The following RIC3 variants were observed in gnomAD, a reference collection of about 807,000 sequenced individuals.
The protein encoded by RIC3 is protein RIC-3.
A neutral mutation model predicts 27.3 loss-of-function variants in RIC3; 28 were observed. The observed-to-expected ratio is 1.02, with a 90% confidence interval of 0.76 to 1.41. The LOEUF (loss-of-function observed/expected upper bound fraction) is 1.41. Ranked by LOEUF, RIC3 falls within the 40% of genes most tolerant of loss-of-function variation. RIC3 has a pLI of 0.00. For synonymous variants in RIC3, 184 were observed against 160.4 expected, an observed-to-expected ratio of 1.15 and a Z score of -1.11; for missense variants, 501 against 444.7, an observed-to-expected ratio of 1.13 and a Z score of -1.14.
intron 1 of RIC3, among the ~76,000 whole-genome samples, chr11:8,152,634 T>C (rs1950338627): frequency 6.6e-6 from 1 of 152,176 alleles, no homozygotes; most frequent in South Asian, 2.1e-4. Context: ...AGGTGTGTGA[T>C]TTAAAAAGTT....
intron 4 of RIC3, among the ~76,000 whole-genome samples, chr11:8,132,094 CA>C (rs1947807288): frequency 6.6e-6 from 1 of 152,066 alleles, no homozygotes; most frequent in South Asian, 2.1e-4. Flanking sequence ...CCTTTGCTGC[CA>C]GAGGTTGCAC....
At chr11:8,097,507 A>C in the RIC3 span, 1,257 of 1,576,352 alleles carry the variant, frequency 8.0e-4, 9 homozygotes, top group African/African-American at 0.015. Context: ...TGGAAGTCTC[A>C]TATCTACCAC....
At chr11:8,152,034 A>G (rs1950288212) in intron 1 of RIC3, among the ~76,000 whole-genome samples, 1 of 152,182 alleles carries the variant, frequency 6.6e-6, no homozygotes, top group Non-Finnish European at 1.5e-5. Context: ...GGAAATGCAA[A>G]TCAAACTCAC....
chr11:8,144,313 G>A (rs1949418040), intron 1 of RIC3, among the ~76,000 whole-genome samples: 1 of 150,572 alleles, frequency 6.6e-6, no homozygotes, highest in Non-Finnish European at 1.5e-5. Flanking sequence ...AATCTACGAT[G>A]AACTCAAACA....
At chr11:8,097,866 G>GA in the RIC3 span, 26 of 1,515,756 alleles carry the variant, frequency 1.7e-5, no homozygotes, top group Non-Finnish European at 2.3e-5. Flanking sequence ...GAGTGGGAGG[G>GA]AGGGGCAGGG....
chr11:8,145,093 G>A (rs1949529164), intron 1 of RIC3, among the ~76,000 whole-genome samples: 1 of 145,768 alleles, frequency 6.9e-6, no homozygotes, highest in Non-Finnish European at 1.5e-5. Context: ...TGACGAGTTA[G>A]TGGGTGCAGC....
At chr11:8,141,002 G>T (rs572734635) in intron 1 of RIC3, among the ~76,000 whole-genome samples, 96 of 148,668 alleles carry the variant, frequency 6.5e-4, no homozygotes, top group African/African-American at 2.3e-3. Flanking sequence ...GTCACCACCA[G>T]GCCTGCCCTA....
intron 1 of RIC3, among the ~76,000 whole-genome samples, chr11:8,156,247 A>G (rs1005184059): frequency 6.6e-6 from 1 of 152,224 alleles, no homozygotes; most frequent in Admixed American, 6.5e-5. Flanking sequence ...ACTGATGACA[A>G]GAGGCTGTAT....
At chr11:8,126,565 A>G (rs1374887498) in intron 5 of RIC3, 94 bp downstream of exon 5, 2 of 1,425,064 alleles carry the variant, frequency 1.4e-6, no homozygotes, top group Non-Finnish European at 1.9e-6. Flanking sequence ...CTGTTTATAT[A>G]TTATACCTCA....
chr11:8,105,284 T>C (rs988075621), downstream of RIC3: 8 of 152,246 alleles, frequency 5.3e-5, no homozygotes, highest in East Asian at 1.9e-4. Flanking sequence ...TGAATGAGTC[T>C]GCTTTCACTG....
chr11:8,120,141 A>G (rs1946283354), intron 5 of RIC3, among the ~76,000 whole-genome samples: 1 of 152,228 alleles, frequency 6.6e-6, no homozygotes, highest in African/African-American at 2.4e-5. Context: ...GCAATTCTTC[A>G]AGGATCTAGA....
At chr11:8,111,733 T>G (rs374561526) in intron 5 of RIC3, among the ~76,000 whole-genome samples, 2 of 152,256 alleles carry the variant, frequency 1.3e-5, no homozygotes, top group East Asian at 3.8e-4. Flanking sequence ...TTCCTGTTGT[T>G]GGCTTCTTCA....
rs1375543832 is a variant in RIC3, at chr11:8,108,979, C to T, written c.*1719G>A. ...GTAAAGAGCACCTGTTATTTTTCAC[C>T]TTTCGTGTACAATACATCTAGATTG... On this transcript the variant is annotated 3_prime_UTR_variant, in exon 6 of 6. Transcript: ENST00000309737. 6.6e-6 allele frequency: 1 copy of T among 152,190 alleles called. No homozygotes were observed. The highest frequency in any genetic ancestry group is 2.4e-5 in the African/African-American group (1 of 41,442). The allele number at this position is 152,190 out of a possible 1,614,324, so 9.4% of individuals were successfully genotyped here. A position where few individuals can be genotyped will look rare whatever the true frequency, so the allele number is the denominator to read the frequency against.
chr11:8,161,862 T>G (rs543136735), intron 1 of RIC3, among the ~76,000 whole-genome samples: 1 of 151,792 alleles, frequency 6.6e-6, no homozygotes, highest in African/African-American at 2.4e-5. Flanking sequence ...CTCCGGGCAA[T>G]GGAATGTGAG....
intron 4 of RIC3, chr11:8,128,292 C>A (rs1315695962): frequency 6.6e-6 from 3 of 457,064 alleles, no homozygotes; most frequent in African/African-American, 2.0e-5. Flanking sequence ...GCATTCTGAT[C>A]TTCAATGAAT....
chr11:8,098,285 G>A, the RIC3 span, among the ~76,000 whole-genome samples: 57 of 152,238 alleles, frequency 3.7e-4, 1 homozygote, highest in African/African-American at 1.3e-3. Context: ...AGGGTTTGCT[G>A]AGGAACTGAG....
At chr11:8,135,478 T>C (rs557207196) in intron 4 of RIC3, 2 of 152,226 alleles carry the variant, frequency 1.3e-5, no homozygotes, top group Non-Finnish European at 2.9e-5. Flanking sequence ...TCCTTTTTGG[T>C]TCCATATGAA....
the RIC3 span, chr11:8,100,545 G>A: frequency 5.6e-6 from 9 of 1,614,134 alleles, no homozygotes; most frequent in African/African-American, 4.0e-5. Context: ...GAAGATGAGC[G>A]TGATTGTCCC....
intron 5 of RIC3, among the ~76,000 whole-genome samples, chr11:8,119,696 G>T (rs960960738): frequency 1.6e-4 from 24 of 152,130 alleles, no homozygotes; most frequent in African/African-American, 5.3e-4. Context: ...CAGACAAATA[G>T]GATCTAATTA....
Sources: gnomAD v4.1 joint callset for allele counts (sites outside exome capture counted in the v4.1 genomes callset) on GRCh38, gnomAD v4.1.1 for gene constraint, MANE v1.5 for transcripts, NCBI Gene and HGNC (gene_info 2026-07-23, HGNC 2026-07-21) for gene names.